The following EDNRB variants were observed in gnomAD, a reference collection of about 807,000 sequenced individuals.
EDNRB encodes the protein Hirschsprung disease 2.
EDNRB carries 18 observed loss-of-function variants against 46.4 expected under a neutral mutation model. The observed-to-expected ratio is 0.39, with a 90% CI of 0.27 to 0.57. The LOEUF is 0.57. EDNRB is among the 20% of genes least tolerant of loss of function. The probability of loss-of-function intolerance (pLI) is 0.61; values close to 1 mark genes in which losing one functional copy is unlikely to be tolerated. For synonymous variants in EDNRB, 213 were observed against 204.9 expected (o/e 1.04, Z -0.34); for missense variants, 434 against 537.5 (o/e 0.81, Z 1.90).
intron 1 of EDNRB, among the ~76,000 whole-genome samples, chr13:77,914,061 ATAT>A (rs1311599411): frequency 6.6e-6 from 1 of 152,226 alleles, no homozygotes; most frequent in Non-Finnish European, 1.5e-5. Context: ...CCATATTGAG[ATAT>A]TATATAAAAT....
chr13:77,903,061 A>AGG, intron 3 of EDNRB, 95 bp downstream of exon 3: 1 of 1,327,976 alleles, frequency 7.5e-7, no homozygotes, highest in East Asian at 2.4e-5. Flanking sequence ...GACAGTCATA[A>AGG]ATCAACAGTT....
chr13:77,920,748 G>A (rs1880062436), upstream of EDNRB, among the ~76,000 whole-genome samples: 2 of 152,196 alleles, frequency 1.3e-5, no homozygotes, highest in Admixed American at 1.3e-4. Flanking sequence ...TATCCTCCCT[G>A]TCTCGTAAGA....
At chr13:77,901,322 A>G in intron 3 of EDNRB, 115 bp from the exon 4 acceptor site, 1 of 1,116,444 alleles carries the variant, frequency 9.0e-7, no homozygotes, top group Non-Finnish European at 1.3e-6. Context: ...AATTAGATCC[A>G]GTTTGTATAT....
intron 3 of EDNRB, 41 bp downstream of exon 3, chr13:77,903,115 A>G: frequency 2.5e-6 from 4 of 1,600,842 alleles, no homozygotes; most frequent in Non-Finnish European, 3.4e-6. Flanking sequence ...AAATATTTAT[A>G]AGGCAAGAGC....
intron 1 of EDNRB, among the ~76,000 whole-genome samples, chr13:77,933,228 C>T (rs530216028): frequency 2.6e-5 from 4 of 152,134 alleles, no homozygotes; most frequent in Non-Finnish European, 4.4e-5. Flanking sequence ...GAGTTTCATG[C>T]GCGTCCGTGT....
At chr13:77,938,292 G>T (rs1197535755) in intron 1 of EDNRB, among the ~76,000 whole-genome samples, 1 of 151,962 alleles carries the variant, frequency 6.6e-6, no homozygotes, top group Non-Finnish European at 1.5e-5. Flanking sequence ...AGGGGTTGGG[G>T]CGCAGAGATT....
At position 77,903,512 on chromosome 13, in the gene EDNRB, A is replaced by T; in HGVS notation, c.579T>A (p.Cys193Ter). The T allele has an allele frequency of 6.2e-7, 1 of 1,612,918 alleles. No homozygotes were observed. ...ASVGITVLSLCALSIDRYRAV... is the reference protein window; with the variant it reads ...ASVGITVLSL Reference sequence around the variant, plus strand: ...GCTTCTACCTGTCAATACTCAGAGCACATAGACTCAGCACAGTGATTCCCA... The same window carrying T: ...GCTTCTACCTGTCAATACTCAGAGCTCATAGACTCAGCACAGTGATTCCCA... The change falls in exon 2 of 7, where the codon TGT (cysteine) becomes TGA (stop). Residue 193 changes from cysteine to a stop codon, truncating the protein, a stop_gained. Transcript: ENST00000646607. LOFTEE classifies it high-confidence loss of function.
chr13:77,900,050 G>GA lies in EDNRB; in HGVS notation c.1086-84dup, dbSNP rs557941496. ...ATTGTAGCTTCTGTGCTTTTGTAAG[G>GA]AAAAAAAATGCCAATATACAATGGT... On this transcript the variant is annotated intron_variant, in intron 5 of 6. Transcript: ENST00000646607. 337 of 1,130,600 alleles carry GA rather than the reference G, an allele frequency of 3.0e-4. 2 individuals carry two copies. The East Asian group carries it at 7.3e-3, about 24-fold the overall frequency. The allele number at this position is 1,130,600 out of a possible 1,614,324, so 70.0% of individuals were successfully genotyped here.
At position 77,918,043 on chromosome 13, in the gene EDNRB, C is replaced by T. The variant is rs1594373077; in HGVS notation, c.483+48G>A. On this transcript the variant is annotated intron_variant, in intron 1 of 6. Coordinates refer to ENST00000646607, the MANE Select transcript of EDNRB (RefSeq NM_001122659.3). The surrounding 1 kb of genome is among the most constrained non-coding windows in gnomAD (Gnocchi z 4.5). ...GCTTTCTCATCTCCCCGTCTCCAAC[C>T]AGGCCCCCTTCCTCAAGCCCACCAT... The T allele has an allele frequency of 6.2e-7, 1 of 1,613,002 alleles. No individual in the cohort carries two copies. Among genetic ancestry groups the T allele is most frequent in the Non-Finnish European group, 8.5e-7 (1 of 1,179,996 alleles).
chr13:77,956,488 A>G lies in EDNRB; in HGVS notation c.-52+18859T>C, dbSNP rs187803207. Among the ~76,000 whole-genome samples the G allele has an allele frequency of 8.5e-5, 13 of 152,186 alleles. No individual in the cohort carries two copies. The East Asian group carries it at 2.5e-3, about 29-fold the overall frequency. ...CAGATAATTATACTTCTTCCTTTCC[A>G]ATTTGGATGCTTTTTCTTGCCTAAT... On this transcript the variant is annotated intron_variant, in intron 1 of 7. Transcript: ENST00000646948.
intron 1 of EDNRB, among the ~76,000 whole-genome samples, chr13:77,946,422 A>G (rs1184126133): frequency 6.6e-6 from 1 of 152,250 alleles, no homozygotes; most frequent in Non-Finnish European, 1.5e-5. Context: ...TGAAACAAAT[A>G]CAATTATACA....
Position 77,918,237 on chromosome 13 carries a change from C to G in EDNRB, c.337G>C (p.Val113Leu), listed in dbSNP as rs781532939. ...GTGGAGTTCCCGATGATCCCCAGCA[C>G]GAACACAAGGCAGGACACAACCGTG... ...INTVVSCLVF[V>L]LGIIGNSTLL... Residue 113 changes from valine (V) to leucine (L), a missense_variant, in exon 1 of 7, where the codon GTG becomes CTG. Transcript: ENST00000646607. This position sits in a 1 kb window ranked among gnomAD's most constrained non-coding sequence, Gnocchi z 4.5. 1.2e-6 allele frequency: 2 copies of G among 1,614,052 alleles called. No individual in the cohort carries two copies. The highest frequency in any genetic ancestry group is 2.2e-5 in the South Asian group (2 of 91,058).
At chr13:77,938,624 C>A (rs1880639950) in intron 1 of EDNRB, among the ~76,000 whole-genome samples, 1 of 152,090 alleles carries the variant, frequency 6.6e-6, no homozygotes, top group Non-Finnish European at 1.5e-5. Flanking sequence ...GATTAAACAC[C>A]AAGGGAAGGC....
At chr13:77,948,746 T>G (rs1301768545) in intron 1 of EDNRB, among the ~76,000 whole-genome samples, 14 of 152,230 alleles carry the variant, frequency 9.2e-5, no homozygotes, top group African/African-American at 3.4e-4. Flanking sequence ...ACTCAAGACT[T>G]GTAGCGTCCC....
intron 1 of EDNRB, among the ~76,000 whole-genome samples, chr13:77,907,384 C>T (rs1879332376): frequency 6.6e-6 from 1 of 151,880 alleles, no homozygotes; most frequent in South Asian, 2.1e-4. Flanking sequence ...TTTCTCAGGC[C>T]TTTGGACTTG....
At chr13:77,908,792 C>T (rs1358941236) in intron 1 of EDNRB, among the ~76,000 whole-genome samples, 5 of 151,942 alleles carry the variant, frequency 3.3e-5, no homozygotes, top group South Asian at 2.1e-4. Flanking sequence ...TCTCTCTGAT[C>T]GCAAAAAGGG....
Position 77,897,573 on chromosome 13 carries a change from G to T in EDNRB, c.*627C>A. ...TACATATTGCAGAATGCTGAGGTTTGGGCTTCTAGTGAAAGTGTAATGATT... is the reference window on the plus strand; with the variant it reads ...TACATATTGCAGAATGCTGAGGTTTTGGCTTCTAGTGAAAGTGTAATGATT... On this transcript the variant is annotated 3_prime_UTR_variant, in exon 7 of 7. Coordinates refer to ENST00000646607, the MANE Select transcript of EDNRB (RefSeq NM_001122659.3). The T allele has an allele frequency of 8.1e-6, 8 of 985,348 alleles. No individual in the cohort carries two copies. Among genetic ancestry groups the T allele is most frequent in the Non-Finnish European group, 8.4e-6 (7 of 829,998 alleles). 61.0% of individuals were successfully genotyped at this position (985,348 alleles called of 1,614,324 possible). A position where few individuals can be genotyped will look rare whatever the true frequency, so the allele number is the denominator to read the frequency against.
intron 1 of EDNRB, among the ~76,000 whole-genome samples, chr13:77,973,895 A>G (rs1315768619): frequency 1.3e-5 from 2 of 151,382 alleles, no homozygotes; most frequent in Non-Finnish European, 2.9e-5. Flanking sequence ...AGAATTTACC[A>G]TATAATACTC....
At chr13:77,968,947 C>T (rs1171592308) in intron 1 of EDNRB, among the ~76,000 whole-genome samples, 1 of 152,140 alleles carries the variant, frequency 6.6e-6, no homozygotes, top group Non-Finnish European at 1.5e-5. Flanking sequence ...TTTCGTCACC[C>T]TTCCACAATT....
Sources: allele counts gnomAD v4.1 joint callset (sites outside exome capture counted in the v4.1 genomes callset), GRCh38; gene constraint gnomAD v4.1.1; non-coding constraint Gnocchi (gnomAD v3.1); transcripts MANE v1.5; gene names NCBI Gene and HGNC (gene_info 2026-07-23, HGNC 2026-07-21).